SEMA3A: variants seen among roughly 807,000 people sequenced by gnomAD.
The protein encoded by SEMA3A is semaphorin-3A.
In SEMA3A, 29 loss-of-function variants were observed where a neutral mutation model predicts 97.9. The ratio of observed to expected loss-of-function variants is 0.30; its 90% confidence interval spans 0.22 to 0.40. The LOEUF is 0.40. SEMA3A is among the 10% of genes least tolerant of loss of function. SEMA3A has a pLI of 1.00. For synonymous variants in SEMA3A, 321 were observed against 323.7 expected, an observed-to-expected ratio of 0.99 and a Z score of 0.09; for missense variants, 763 against 951.3, an observed-to-expected ratio of 0.80 and a Z score of 2.60.
chr7:84,021,846 A>G (rs758786892), intron 6 of SEMA3A, among the ~76,000 whole-genome samples: 1 of 152,148 alleles, frequency 6.6e-6, no homozygotes, highest in Non-Finnish European at 1.5e-5. Context: ...AGTTTTTTGG[A>G]TGAGTCGAGC....
chr7:83,987,537 C>T (rs1789687526), intron 12 of SEMA3A, among the ~76,000 whole-genome samples: 1 of 152,132 alleles, frequency 6.6e-6, no homozygotes, highest in African/African-American at 2.4e-5. Flanking sequence ...AGGCATCTCA[C>T]GTGTCTTTCC....
chr7:84,155,326 A>T (rs73177487), intron 1 of SEMA3A, among the ~76,000 whole-genome samples: 13,813 of 152,102 alleles, frequency 0.091, 1,165 homozygotes, highest in African/African-American at 0.22. Context: ...ATTTTTAAAA[A>T]TTACTCCAAC....
chr7:84,154,234 T>C (rs944058273), intron 1 of SEMA3A, among the ~76,000 whole-genome samples: 28 of 152,146 alleles, frequency 1.8e-4, no homozygotes, highest in African/African-American at 6.5e-4. Flanking sequence ...AAAAATACAA[T>C]ACAACTTATG....
chr7:84,441,577 A>G (rs944961587), intron 1 of SEMA3A, among the ~76,000 whole-genome samples: 7 of 152,090 alleles, frequency 4.6e-5, no homozygotes, highest in African/African-American at 1.7e-4. Context: ...GCAGACCAAC[A>G]TACAGAAAAG....
chr7:84,353,748 T>C (rs1010047291), intron 2 of SEMA3A, among the ~76,000 whole-genome samples: 1 of 151,752 alleles, frequency 6.6e-6, no homozygotes, highest in Admixed American at 6.6e-5. Flanking sequence ...TATTCCATAG[T>C]ATATTTTGGG....
At position 84,399,846 on chromosome 7, in the gene SEMA3A, G is replaced by A. The variant is rs372395907; in HGVS notation, c.-245-27946C>T. On this transcript the variant is annotated intron_variant, in intron 1 of 3. Transcript: ENST00000424555. ...TGGTCTGGGAGACTCTGGGCTTCAC[G>A]TACAAGCTGGTGTAATGACAGCTGC... is the stretch of plus-strand genomic sequence containing the variant. Among the ~76,000 whole-genome samples the A allele has an allele frequency of 7.1e-4, 108 of 152,192 alleles. 1 individual carries two copies. The highest frequency in any genetic ancestry group is 2.4e-3 in the African/African-American group (98 of 41,534).
At chr7:84,045,579 T>C (rs924485401) in intron 6 of SEMA3A, among the ~76,000 whole-genome samples, 6 of 151,442 alleles carry the variant, frequency 4.0e-5, no homozygotes, top group Non-Finnish European at 7.4e-5. Context: ...TGAATAAGAG[T>C]AGTATTTATT....
rs576104233 is a variant in SEMA3A, at chr7:84,035,831, C to T, written c.667+10493G>A. ...CATCTCATTATTTTTTCTATGATTCCTGTTCACAATTTACTTATAGTTAGG... is the reference window on the plus strand; with the variant it reads ...CATCTCATTATTTTTTCTATGATTCTTGTTCACAATTTACTTATAGTTAGG... On this transcript the variant is annotated intron_variant, in intron 6 of 16. Coordinates refer to ENST00000265362, the MANE Select transcript of SEMA3A (RefSeq NM_006080.3). Among the ~76,000 whole-genome samples, 12 of 151,996 alleles carry T rather than the reference C, an allele frequency of 7.9e-5. No homozygotes were observed. In the East Asian group the frequency reaches 2.1e-3, roughly 27 times the overall value.
chr7:84,006,568 C>G (rs1387819176), intron 10 of SEMA3A, among the ~76,000 whole-genome samples: 1 of 151,990 alleles, frequency 6.6e-6, no homozygotes, highest in African/African-American at 2.4e-5. Context: ...ACAAAAATGA[C>G]AAATTAAGAT....
At chr7:84,266,807 C>T (rs937124186) in intron 3 of SEMA3A, among the ~76,000 whole-genome samples, 1 of 151,880 alleles carries the variant, frequency 6.6e-6, no homozygotes, top group Admixed American at 6.6e-5. Context: ...ATATTTACAA[C>T]CTTAAGTATA....
At chr7:84,108,182 C>T (rs1174620648) in intron 4 of SEMA3A, among the ~76,000 whole-genome samples, 1 of 152,016 alleles carries the variant, frequency 6.6e-6, no homozygotes, top group African/African-American at 2.4e-5. Flanking sequence ...AGACCATTTT[C>T]CTTACAAATT....
chr7:84,119,244 A>G (rs1048753928), intron 3 of SEMA3A, among the ~76,000 whole-genome samples: 4 of 152,184 alleles, frequency 2.6e-5, no homozygotes, highest in Non-Finnish European at 5.9e-5. Flanking sequence ...TAATAGTTAC[A>G]TTTAACACCA....
At chr7:84,461,376 T>C (rs1334717241) in intron 1 of SEMA3A, among the ~76,000 whole-genome samples, 1 of 152,074 alleles carries the variant, frequency 6.6e-6, no homozygotes. Context: ...TTTTCAAAAT[T>C]ATAATGTTGC....
chr7:83,982,946 T>C (rs1036126388), intron 13 of SEMA3A, among the ~76,000 whole-genome samples: 5 of 151,922 alleles, frequency 3.3e-5, no homozygotes, highest in African/African-American at 1.2e-4. Flanking sequence ...TAAGGGGAAA[T>C]GTAATACAAT....
At chr7:84,407,136 G>C (rs924429739) in intron 1 of SEMA3A, among the ~76,000 whole-genome samples, 3 of 152,150 alleles carry the variant, frequency 2.0e-5, no homozygotes, top group African/African-American at 7.2e-5. Flanking sequence ...TGACATGATT[G>C]TATATCTGGA....
At chr7:84,014,410 G>T in intron 6 of SEMA3A, 59 bp from the exon 7 acceptor site, 1 of 1,359,124 alleles carries the variant, frequency 7.4e-7, no homozygotes, top group Non-Finnish European at 1.0e-6. Context: ...ATACCATTCT[G>T]AACAGTCCAT....
chr7:84,404,521 T>A (rs1804012279), intron 1 of SEMA3A, among the ~76,000 whole-genome samples: 1 of 151,940 alleles, frequency 6.6e-6, no homozygotes, highest in Non-Finnish European at 1.5e-5. Flanking sequence ...AGGCCAAAAT[T>A]CAAATTCAGG....
At chr7:84,313,403 T>TAA (rs1562898846) in intron 2 of SEMA3A, among the ~76,000 whole-genome samples, 4 of 113,692 alleles carry the variant, frequency 3.5e-5, no homozygotes, top group South Asian at 2.6e-4. Context: ...TATATATATA[T>TAA]ATAAACTATA....
At chr7:84,002,672 CAAAGT>C (rs1790508050) in intron 11 of SEMA3A, among the ~76,000 whole-genome samples, 1 of 152,226 alleles carries the variant, frequency 6.6e-6, no homozygotes, top group African/African-American at 2.4e-5. Context: ...CCCGATTTCT[CAAAGT>C]AAACACCTAG....
Sources: allele counts gnomAD v4.1 joint callset (sites outside exome capture counted in the v4.1 genomes callset), GRCh38; gene constraint gnomAD v4.1.1; transcripts MANE v1.5; gene names NCBI Gene and HGNC (gene_info 2026-07-23, HGNC 2026-07-21).